ZFR2: variants seen among roughly 807,000 people sequenced by gnomAD.
ZFR2 encodes the protein zinc finger RNA binding protein 2, also known as zinc finger RNA-binding protein 2.
A neutral mutation model predicts 105.7 loss-of-function variants in ZFR2; 104 were observed. The ratio of observed to expected loss-of-function variants is 0.98; its 90% CI spans 0.84 to 1.16. The LOEUF is 1.16. Among genes scored for constraint, ZFR2 ranks in the 50% most tolerant of loss-of-function variants. The pLI is 0.00. For synonymous variants in ZFR2, 634 were observed against 597.7 expected (o/e 1.06, Z -0.89); for missense variants, 1,425 against 1,355.5 (o/e 1.05, Z -0.80).
At chr19:3,830,584 C>A (rs1385891490) in intron 5 of ZFR2, among the ~76,000 whole-genome samples, 1 of 152,090 alleles carries the variant, frequency 6.6e-6, no homozygotes, top group Non-Finnish European at 1.5e-5. Flanking sequence ...CAGGGACCGG[C>A]CCCCCATCCC....
intron 1 of ZFR2, among the ~76,000 whole-genome samples, chr19:3,839,647 T>C (rs1027088818): frequency 6.8e-5 from 10 of 147,342 alleles, no homozygotes; most frequent in African/African-American, 2.2e-4. Flanking sequence ...TGACAAAATA[T>C]TTCAAACATA....
Position 3,833,649 on chromosome 19 carries a change from C to T in ZFR2, c.379+15G>A, listed in dbSNP as rs1185977686. Reference sequence around the variant, plus strand: ...CGTCTCCTCGTTCCCAGCCCCGACCCTGCAGATGGCTCACCTGGCTGGCCG... The same window carrying T: ...CGTCTCCTCGTTCCCAGCCCCGACCTTGCAGATGGCTCACCTGGCTGGCCG... On this transcript the variant is annotated intron_variant, in intron 3 of 18. Transcript: ENST00000262961. 7 of 1,545,502 alleles carry T rather than the reference C, an allele frequency of 4.5e-6. No individual in the cohort carries two copies. Among genetic ancestry groups the T allele is most frequent in the Non-Finnish European group, 6.1e-6 (7 of 1,144,166 alleles).
intron 13 of ZFR2, among the ~76,000 whole-genome samples, chr19:3,815,547 C>T (rs1184917724): frequency 6.6e-6 from 1 of 152,178 alleles, no homozygotes; most frequent in African/African-American, 2.4e-5. Flanking sequence ...GTCGCCATTG[C>T]TGCGAATGTT....
rs201442435 is a variant in ZFR2 at position 3,864,751 on chromosome 19, TTC to T, written c.53+4212_53+4213del. ...CTCTCTTCTCTTCTCTTTTCTTTTTTTCTCTCTTTTTCTTGAGACAGACTCCC... is the reference window on the plus strand; with the variant it reads ...CTCTCTTCTCTTCTCTTTTCTTTTTTTCTCTTTTTCTTGAGACAGACTCCC... On this transcript the variant is annotated intron_variant, in intron 1 of 18. Transcript: ENST00000262961. Among the ~76,000 whole-genome samples the T allele has an allele frequency of 3.8e-4, 58 of 152,232 alleles. No homozygotes were observed. In the East Asian group the frequency reaches 0.011, roughly 28 times the overall value.
intron 1 of ZFR2, among the ~76,000 whole-genome samples, chr19:3,855,248 T>G (rs79331310): frequency 0.024 from 3,623 of 152,124 alleles, 139 homozygotes; most frequent in African/African-American, 0.082. Flanking sequence ...AATCCCAACT[T>G]AGCATGGAAA....
At position 3,813,988 on chromosome 19, in the gene ZFR2, C is replaced by G. The variant is rs372704167; in HGVS notation, c.2104-30G>C. 3.1e-5 allele frequency: 50 copies of G among 1,612,330 alleles called. No individual in the cohort carries two copies. In the African/African-American group the frequency reaches 5.9e-4, roughly 19 times the overall value. On this transcript the variant is annotated intron_variant, in intron 13 of 18. Coordinates refer to ENST00000262961, the MANE Select transcript of ZFR2 (RefSeq NM_015174.2). The surrounding 1 kb of genome is among the most constrained non-coding windows in gnomAD (Gnocchi z 4.4). Reference sequence around the variant, plus strand: ...GAGGGGTAAATACAACACAAGGCCACCTTACTGCAGCCCAGATTCATGTGT... The same window carrying G: ...GAGGGGTAAATACAACACAAGGCCAGCTTACTGCAGCCCAGATTCATGTGT...
chr19:3,812,608 G>A (rs377690776), intron 14 of ZFR2, among the ~76,000 whole-genome samples: 32 of 152,068 alleles, frequency 2.1e-4, no homozygotes, highest in African/African-American at 6.5e-4. Flanking sequence ...CCCCACAACC[G>A]CGCCACTCCC....
At position 3,822,108 on chromosome 19, in the gene ZFR2, C is replaced by T; in HGVS notation, c.1464G>A (p.Arg488=). Reference sequence around the variant, plus strand: ...GGTACTGCAGCCGGTGCCGCCGCCCCCTCACGTGCAGGTCCTTCGCGTTAA... The same window carrying T: ...GGTACTGCAGCCGGTGCCGCCGCCCTCTCACGTGCAGGTCCTTCGCGTTAA... ...NDLNAKDLHV[R]GRRHRLQYRK... Residue 488 remains arginine (R), a synonymous_variant, in exon 9 of 19, where the codon AGG becomes AGA. Transcript: ENST00000262961. 6.2e-7 allele frequency: 1 copy of T among 1,608,946 alleles called. No homozygotes were observed. Among genetic ancestry groups the T allele is most frequent in the South Asian group, 1.1e-5 (1 of 89,896 alleles).
At chr19:3,809,607 T>C (rs1438481740) in intron 16 of ZFR2, among the ~76,000 whole-genome samples, 1 of 152,186 alleles carries the variant, frequency 6.6e-6, no homozygotes, top group Non-Finnish European at 1.5e-5. Flanking sequence ...CGGAGGCTAC[T>C]GTGACCTCCT....
At chr19:3,808,217 G>A (rs1039044951) in intron 17 of ZFR2, among the ~76,000 whole-genome samples, 10 of 151,400 alleles carry the variant, frequency 6.6e-5, no homozygotes, top group Non-Finnish European at 1.2e-4. Context: ...GTGTGTGCCC[G>A]TGCGAGTGCG....
chr19:3,824,436 C>G (rs1261597922), intron 7 of ZFR2, among the ~76,000 whole-genome samples: 1 of 152,334 alleles, frequency 6.6e-6, no homozygotes, highest in South Asian at 2.1e-4. Flanking sequence ...GGGCTTTGCA[C>G]GCAGGGAAGG....
intron 12 of ZFR2, among the ~76,000 whole-genome samples, chr19:3,818,129 TAGAC>T (rs1433836798): frequency 6.6e-5 from 10 of 152,388 alleles, no homozygotes; most frequent in Non-Finnish European, 1.3e-4. Flanking sequence ...ACTGTGCACT[TAGAC>T]AGGTTAAAAT....
At chr19:3,819,861 A>T (rs577076990) in intron 11 of ZFR2, among the ~76,000 whole-genome samples, 1 of 151,980 alleles carries the variant, frequency 6.6e-6, no homozygotes, top group South Asian at 2.1e-4. Flanking sequence ...TCAAAAAAAA[A>T]TAGTTCCCAT....
At position 3,808,911 on chromosome 19, in the gene ZFR2, G is replaced by A. The variant is rs536906091; in HGVS notation, c.2506C>T (p.Arg836Ter). 2.3e-5 allele frequency: 36 copies of A among 1,567,758 alleles called. No homozygotes were observed. The highest frequency in any genetic ancestry group is 1.4e-4 in the East Asian group (6 of 42,436). The change falls in exon 17 of 19, where the codon CGA becomes TGA. Residue 836 changes from arginine to a stop codon, truncating the protein, a stop_gained. Coordinates refer to ENST00000262961, the MANE Select transcript of ZFR2 (RefSeq NM_015174.2). LOFTEE classifies it high-confidence loss of function. ...CCTGTGGCCACGCACTCCAGGACTC[G>A]CCTGACTGCATCCCCGGGGCCCAGG... ...GPLGPGDAVR[R>*]VLECVATGTL... is the part of the protein sequence containing the mutation.
At position 3,804,946 on chromosome 19, in the gene ZFR2, C is replaced by T. The variant is rs1205270989; in HGVS notation, c.*1003G>A. On this transcript the variant is annotated 3_prime_UTR_variant, in exon 19 of 19. Transcript: ENST00000262961. ...CCAGGCTGGAGTTCAGTAGCGCAAT[C>T]TCGGCTCGCTGCAGCCTCGAACTCC... is the stretch of plus-strand genomic sequence containing the variant. 1 of 152,516 alleles carries T rather than the reference C, an allele frequency of 6.6e-6. No homozygotes were observed. The highest frequency in any genetic ancestry group is 1.5e-5 in the Non-Finnish European group (1 of 68,220). The allele number at this position is 152,516 out of a possible 1,614,324, so 9.4% of individuals were successfully genotyped here. A position where few individuals can be genotyped will look rare whatever the true frequency, so the allele number is the denominator to read the frequency against.
At chr19:3,836,808 A>G (rs1375479243) in intron 1 of ZFR2, among the ~76,000 whole-genome samples, 1 of 152,182 alleles carries the variant, frequency 6.6e-6, no homozygotes, top group East Asian at 1.9e-4. Flanking sequence ...TTCTGACCCC[A>G]ATGCCCCTTG....
At chr19:3,821,309 G>T (rs1296662848) in intron 10 of ZFR2, 31 bp downstream of exon 10, 1 of 1,543,646 alleles carries the variant, frequency 6.5e-7, no homozygotes. Context: ...TCCCTCACCA[G>T]GCCCCCTTGC....
At chr19:3,854,801 T>C (rs1453297868) in intron 1 of ZFR2, among the ~76,000 whole-genome samples, 2 of 152,200 alleles carry the variant, frequency 1.3e-5, no homozygotes, top group African/African-American at 4.8e-5. Context: ...TCTCGCTCTG[T>C]CACCCTGGCT....
rs2037792080 is a variant in ZFR2, at chr19:3,813,472, C to T, written c.2242+348G>A. 6.6e-6 allele frequency among the ~76,000 whole-genome samples: 1 copy of T among 152,186 alleles called. No homozygotes were observed. Among genetic ancestry groups the T allele is most frequent in the South Asian group, 2.1e-4 (1 of 4,828 alleles). ...TTCTGCCGTGACCCAGGGGAAATGG[C>T]TCAGACCTGTCCTTTGCCGCCAGGG... is the stretch of plus-strand genomic sequence containing the variant. On this transcript the variant is annotated intron_variant, in intron 14 of 18. Coordinates refer to ENST00000262961, the MANE Select transcript of ZFR2 (RefSeq NM_015174.2). This position sits in a 1 kb window ranked among gnomAD's most constrained non-coding sequence, Gnocchi z 4.4.
Sources: allele counts gnomAD v4.1 joint callset (sites outside exome capture counted in the v4.1 genomes callset), GRCh38; gene constraint gnomAD v4.1.1; non-coding constraint Gnocchi (gnomAD v3.1); transcripts MANE v1.5; gene names NCBI Gene and HGNC (gene_info 2026-07-23, HGNC 2026-07-21).